Variants in PTGER3 observed in about 807,000 individuals in gnomAD.
The protein encoded by PTGER3 is prostaglandin E receptor 3, also known as prostaglandin E2 receptor EP3 subtype.
Under a neutral mutation model 34.7 loss-of-function variants are expected in PTGER3, and 22 were observed. The observed-to-expected ratio is 0.63, with a 90% CI of 0.45 to 0.91. The LOEUF is 0.91. Among genes scored for constraint, PTGER3 ranks in the 40% least tolerant of loss-of-function variants. The probability of loss-of-function intolerance (pLI) is 0.00; values close to 1 mark genes in which losing one functional copy is unlikely to be tolerated. For synonymous variants in PTGER3, 241 were observed against 230.1 expected, an observed-to-expected ratio of 1.05 and a Z score of -0.43; for missense variants, 468 against 519.4, an observed-to-expected ratio of 0.90 and a Z score of 0.96.
chr1:70,952,279 T>TTAAC (rs386367297), downstream of PTGER3, among the ~76,000 whole-genome samples: 2 of 151,660 alleles, frequency 1.3e-5, no homozygotes, highest in Non-Finnish European at 2.9e-5. Context: ...AGATTCAGAA[T>TTAAC]TAAAGTTCTT....
Position 70,974,356 on chromosome 1 carries a change from G to T in PTGER3, c.1110C>A (p.Ser370Arg). 8.0e-7 allele frequency: 1 copy of T among 1,242,318 alleles called. No homozygotes were observed. The highest frequency in any genetic ancestry group is 1.2e-6 in the Non-Finnish European group (1 of 840,558). 77.0% of individuals were successfully genotyped at this position (1,242,318 alleles called of 1,614,324 possible). The change falls in exon 3 of 4, where the codon AGC (serine) becomes AGA (arginine). Residue 370 changes from serine (S) to arginine (R), a missense_variant. Physicochemically the swap from Ser to Arg is moderately radical, Grantham distance 110. Around this residue, in one of 5 missense-constraint regions of PTGER3, gnomAD observed 57 missense variants for 43.8 expected, o/e 1.30. Transcript: ENST00000306666. ...IRYHTNNYAS[S>R]STSLPCQCSS... ...AACACTGGCAGGGTAAGGAGGTGGA[G>T]CTGGATGCATAGTTGTTTGTGTGGT...
intron 2 of PTGER3, among the ~76,000 whole-genome samples, chr1:70,962,570 G>C (rs1024414100): frequency 6.6e-6 from 1 of 152,202 alleles, no homozygotes; most frequent in Non-Finnish European, 1.5e-5. Context: ...GAGGAGCAAA[G>C]TCATGTCTTA....
At chr1:70,995,025 G>C (rs1455738061) in intron 2 of PTGER3, among the ~76,000 whole-genome samples, 2 of 152,066 alleles carry the variant, frequency 1.3e-5, no homozygotes, top group African/African-American at 4.8e-5. Context: ...ACAGCTCACT[G>C]TAATATAAGT....
chr1:70,915,532 G>T (rs1201963811), intron 4 of PTGER3, among the ~76,000 whole-genome samples: 1 of 151,936 alleles, frequency 6.6e-6, no homozygotes, highest in African/African-American at 2.4e-5. Context: ...TAGATAGTTT[G>T]GAGAGCCTGA....
chr1:70,932,712 G>A (rs878993843), intron 4 of PTGER3, among the ~76,000 whole-genome samples: 5 of 152,084 alleles, frequency 3.3e-5, no homozygotes, highest in African/African-American at 7.2e-5. Flanking sequence ...CCCACAACAC[G>A]TGGGAATTAT....
Position 70,932,877 on chromosome 1 carries a change from A to T in PTGER3, c.*23+20886T>A, listed in dbSNP as rs1572687917. The stretch of plus-strand genomic sequence containing the variant: ...ATGTCTCCTCTGGAAAGACTTTCTA[A>T]ATTTCCCTTCTGTACACATATACAC... On this transcript the variant is annotated intron_variant, in intron 4 of 4. Coordinates refer to the PTGER3 transcript ENST00000370931. 3.3e-5 allele frequency among the ~76,000 whole-genome samples: 5 copies of T among 152,244 alleles called. 1 individual carries two copies. Among genetic ancestry groups the T allele is most frequent in the Admixed American group, 3.3e-4 (5 of 15,284 alleles).
intron 2 of PTGER3, among the ~76,000 whole-genome samples, chr1:70,955,866 A>T (rs914458840): frequency 6.6e-6 from 1 of 152,158 alleles, no homozygotes; most frequent in Non-Finnish European, 1.5e-5. Flanking sequence ...ATGCACAATT[A>T]TACATTTATT....
chr1:70,911,429 G>A (rs565267430), intron 4 of PTGER3, among the ~76,000 whole-genome samples: 2 of 152,180 alleles, frequency 1.3e-5, no homozygotes, highest in Non-Finnish European at 2.9e-5. Flanking sequence ...TTAAAGAAAT[G>A]TTTTCTCCCC....
intron 4 of PTGER3, among the ~76,000 whole-genome samples, chr1:70,879,675 A>G (rs745843513): frequency 2.0e-5 from 3 of 152,046 alleles, no homozygotes; most frequent in Non-Finnish European, 2.9e-5. Flanking sequence ...CTTTGAATCT[A>G]TGGGTGTCAT....
At chr1:70,908,326 G>T (rs1305400632) in intron 4 of PTGER3, among the ~76,000 whole-genome samples, 1 of 152,172 alleles carries the variant, frequency 6.6e-6, no homozygotes, top group East Asian at 1.9e-4. Flanking sequence ...CTGAGGCAGA[G>T]ATTTCCCAGT....
In PTGER3 at chr1:71,011,992, A is replaced by G. The variant is rs538923781; in HGVS notation, c.1077+313T>C. ...TCACATATTCAGCTACGAATGGCAG[A>G]CTCAACAAAAACACTAGACTGTTAT... On this transcript the variant is annotated intron_variant, in intron 2 of 3. Transcript: ENST00000306666. The G allele has an allele frequency of 5.9e-6, 8 of 1,361,724 alleles. No homozygotes were observed. The Admixed American group carries it at 1.7e-4, about 30-fold the overall frequency. The allele number at this position is 1,361,724 out of a possible 1,614,324, so 84.4% of individuals were successfully genotyped here.
chr1:70,901,841 A>C (rs1207707557), intron 4 of PTGER3, among the ~76,000 whole-genome samples: 1 of 152,220 alleles, frequency 6.6e-6, no homozygotes, highest in East Asian at 1.9e-4. Flanking sequence ...AAGATGGAGT[A>C]AGGATTTCAC....
intron 1 of PTGER3, among the ~76,000 whole-genome samples, chr1:71,024,523 G>T (rs1259645853): frequency 1.3e-5 from 2 of 151,812 alleles, no homozygotes; most frequent in Admixed American, 1.3e-4. Context: ...GATTAATAAA[G>T]TTTTTGAATT....
chr1:71,009,116 G>A (rs537614250), intron 2 of PTGER3: 35 of 984,956 alleles, frequency 3.6e-5, no homozygotes, highest in South Asian at 1.4e-4. Flanking sequence ...TATAAAAAGC[G>A]TTGAATAAAT....
At chr1:70,962,946 G>A (rs1253233924) in intron 2 of PTGER3, among the ~76,000 whole-genome samples, 4 of 152,302 alleles carry the variant, frequency 2.6e-5, no homozygotes, top group Non-Finnish European at 4.4e-5. Context: ...TCCCTTGCCT[G>A]TAAAATCAAA....
chr1:70,869,450 C>T (rs1256306728), intron 4 of PTGER3: 1 of 312,034 alleles, frequency 3.2e-6, no homozygotes, highest in African/African-American at 2.2e-5. Context: ...CATGACTTCT[C>T]AATAGTACCC....
intron 2 of PTGER3, chr1:71,010,551 G>A (rs1657349881): frequency 1.0e-6 from 1 of 984,362 alleles, no homozygotes; most frequent in South Asian, 4.7e-5. Context: ...CTAGAACTTA[G>A]GGTCACAGGA....
At chr1:71,040,241 T>C (rs1409444253) in intron 1 of PTGER3, among the ~76,000 whole-genome samples, 1 of 152,014 alleles carries the variant, frequency 6.6e-6, no homozygotes, top group East Asian at 1.9e-4. Flanking sequence ...AAGTGAATTG[T>C]CTAAGGCCAA....
intron 4 of PTGER3, among the ~76,000 whole-genome samples, chr1:70,854,113 T>C (rs756685166): frequency 6.6e-6 from 1 of 151,702 alleles, no homozygotes; most frequent in Non-Finnish European, 1.5e-5. Context: ...AAAGCAAAAA[T>C]AGACAAATGA....
Sources: gnomAD v4.1 joint callset for allele counts (sites outside exome capture counted in the v4.1 genomes callset) on GRCh38, gnomAD v4.1.1 for gene constraint, gnomAD v4.1.1 regional missense constraint, MANE v1.5 for transcripts, NCBI Gene and HGNC (gene_info 2026-07-23, HGNC 2026-07-21) for gene names.